The following PPIL6 variants were observed in gnomAD, a reference collection of about 807,000 sequenced individuals.
PPIL6 encodes peptidylprolyl isomerase like 6.
Under a neutral mutation model 36.8 loss-of-function variants are expected in PPIL6, and 39 were observed. The ratio of observed to expected loss-of-function variants is 1.06; its 90% CI spans 0.82 to 1.38. The LOEUF is 1.38. Ranked by LOEUF, PPIL6 falls within the 40% of genes most tolerant of loss-of-function variation. The pLI is 0.00. For missense variants in PPIL6, 368 were observed against 379.1 expected (o/e 0.97, Z 0.24); for synonymous variants, 123 against 134.1 (o/e 0.92, Z 0.57).
intron 7 of PPIL6, among the ~76,000 whole-genome samples, chr6:109,398,605 T>A (rs990735400): frequency 6.6e-6 from 1 of 152,226 alleles, no homozygotes; most frequent in Non-Finnish European, 1.5e-5. Flanking sequence ...CTATCATCCA[T>A]TTTAGGTCCA....
At chr6:109,430,911 A>T (rs1336787825) in intron 3 of PPIL6, among the ~76,000 whole-genome samples, 2 of 152,260 alleles carry the variant, frequency 1.3e-5, no homozygotes, top group East Asian at 3.9e-4. Flanking sequence ...ATGCATATAA[A>T]TCTCTAATGG....
chr6:109,435,281 T>C (rs1774381450), intron 2 of PPIL6, among the ~76,000 whole-genome samples: 1 of 151,562 alleles, frequency 6.6e-6, no homozygotes, highest in South Asian at 2.1e-4. Flanking sequence ...AAAGGAAAAT[T>C]CTGTAAATGT....
At chr6:109,398,558 A>G (rs1772394370) in intron 7 of PPIL6, among the ~76,000 whole-genome samples, 1 of 152,232 alleles carries the variant, frequency 6.6e-6, no homozygotes, top group Non-Finnish European at 1.5e-5. Flanking sequence ...CAGTAATTAA[A>G]GAGAGAGATG....
Position 109,408,310 on chromosome 6 carries a change from C to T in PPIL6, c.689-8140G>A, listed in dbSNP as rs932751597. Among the ~76,000 whole-genome samples the T allele has an allele frequency of 2.6e-5, 4 of 151,978 alleles. No individual in the cohort carries two copies. The South Asian group carries it at 8.3e-4, about 31-fold the overall frequency. On this transcript the variant is annotated intron_variant, in intron 6 of 7. Transcript: ENST00000521072. ...CCTTATAAATCACTTGCTCTTTTTC[C>T]CTAGATGCCCAAATAATTTTTCTTC...
At chr6:109,399,026 A>G (rs752682764) in intron 7 of PPIL6, among the ~76,000 whole-genome samples, 4 of 151,848 alleles carry the variant, frequency 2.6e-5, no homozygotes, top group Non-Finnish European at 5.9e-5. Context: ...CCCAGGCTCA[A>G]GCAATCCTCC....
rs1228668324 is a variant in PPIL6, at chr6:109,400,046, A to G, written c.813T>C (p.Phe271=). The G allele has an allele frequency of 6.2e-7, 1 of 1,611,476 alleles. No homozygotes were observed. The highest frequency in any genetic ancestry group is 2.2e-5 in the East Asian group (1 of 44,836). Residue 271 remains phenylalanine, a synonymous_variant, in exon 7 of 8, where the codon TTT becomes TTC. Coordinates refer to ENST00000521072, the MANE Select transcript of PPIL6 (RefSeq NM_173672.5). ...LQATPYLDRK[F]VAFGQLIEGT... ...TACAATATACATACCCAAAAGCCAC[A>G]AATTTTCTATCTAGATAAGGAGTTG...
At chr6:109,406,282 G>T (rs1772796316) in intron 6 of PPIL6, among the ~76,000 whole-genome samples, 1 of 151,508 alleles carries the variant, frequency 6.6e-6, no homozygotes, top group Admixed American at 6.6e-5. Context: ...GAACTCCTGG[G>T]CTCAAGCAAT....
At chr6:109,395,320 T>C (rs1772249972) in intron 7 of PPIL6, among the ~76,000 whole-genome samples, 2 of 151,782 alleles carry the variant, frequency 1.3e-5, no homozygotes. Context: ...GGCATGAGAA[T>C]TGCTTAAACC....
At chr6:109,414,172 A>G (rs1019308840) in intron 6 of PPIL6, among the ~76,000 whole-genome samples, 3 of 152,180 alleles carry the variant, frequency 2.0e-5, no homozygotes, top group Admixed American at 2.0e-4. Flanking sequence ...ATATGATGTG[A>G]TAATTTCACA....
rs1772108031 is a variant in PPIL6 at position 109,391,811 on chromosome 6, T to C, written c.*1015A>G. On this transcript the variant is annotated 3_prime_UTR_variant, in exon 8 of 8. Transcript: ENST00000521072. Reference sequence around the variant, plus strand: ...CTCAGAGAGATAAGGATGATGTTCATGTCATATATGAAAACATCCAAAGTG... The same window carrying C: ...CTCAGAGAGATAAGGATGATGTTCACGTCATATATGAAAACATCCAAAGTG... The C allele has an allele frequency of 6.6e-6, 1 of 152,240 alleles. No individual in the cohort carries two copies. The allele number at this position is 152,240 out of a possible 1,614,324, so 9.4% of individuals were successfully genotyped here. A position where few individuals can be genotyped will look rare whatever the true frequency, so the allele number is the denominator to read the frequency against.
At chr6:109,419,803 C>T (rs1162315684) in intron 5 of PPIL6, among the ~76,000 whole-genome samples, 2 of 152,000 alleles carry the variant, frequency 1.3e-5, no homozygotes, top group African/African-American at 4.8e-5. Flanking sequence ...TCAATATCCA[C>T]ACTATGAAAA....
rs1390518086 is a variant in PPIL6 at position 109,391,484 on chromosome 6, A to G, written c.*1342T>C. On this transcript the variant is annotated 3_prime_UTR_variant, in exon 8 of 8. Transcript: ENST00000521072. Reference sequence around the variant, plus strand: ...AGTGATTCCCAGATGACTAGTGCCCAGCTGTCTAAATGGGAACCCTGGGGA... The same window carrying G: ...AGTGATTCCCAGATGACTAGTGCCCGGCTGTCTAAATGGGAACCCTGGGGA... 6.6e-6 allele frequency: 1 copy of G among 151,966 alleles called. No homozygotes were observed. Among genetic ancestry groups the G allele is most frequent in the East Asian group, 1.9e-4 (1 of 5,156 alleles). 9.4% of individuals were successfully genotyped at this position (151,966 alleles called of 1,614,324 possible). A position where few individuals can be genotyped will look rare whatever the true frequency, so the allele number is the denominator to read the frequency against.
intron 6 of PPIL6, among the ~76,000 whole-genome samples, chr6:109,411,081 G>T (rs1012669151): frequency 6.6e-6 from 1 of 152,180 alleles, no homozygotes; most frequent in Non-Finnish European, 1.5e-5. Context: ...CTTAGGAGTA[G>T]CTTTCCCTTG....
At chr6:109,393,609 G>A (rs543879088) in intron 7 of PPIL6, among the ~76,000 whole-genome samples, 1 of 152,194 alleles carries the variant, frequency 6.6e-6, no homozygotes, top group East Asian at 1.9e-4. Flanking sequence ...TTAGGATGAA[G>A]ACTATAAGTC....
chr6:109,413,725 C>A lies in PPIL6; in HGVS notation c.688+5462G>T, dbSNP rs1274897596. On this transcript the variant is annotated intron_variant, in intron 6 of 7. Transcript: ENST00000521072. The surrounding 1 kb of genome is among the most constrained non-coding windows in gnomAD (Gnocchi z 4.6). The stretch of plus-strand genomic sequence containing the variant: ...TGGAAGCTACCTAAGTGTCCATCAA[C>A]AGAAGAATGGATAAAGAAAATGTGG... Among the ~76,000 whole-genome samples, 1 of 152,112 alleles carries A rather than the reference C, an allele frequency of 6.6e-6. No homozygotes were observed. Among genetic ancestry groups the A allele is most frequent in the Non-Finnish European group, 1.5e-5 (1 of 68,018 alleles).
chr6:109,437,801 CTT>C (rs1259004053), intron 1 of PPIL6, among the ~76,000 whole-genome samples: 2 of 152,080 alleles, frequency 1.3e-5, no homozygotes, highest in Non-Finnish European at 2.9e-5. Flanking sequence ...AACTCCTGAC[CTT>C]AGGCGATCTG....
At chr6:109,429,560 G>A (rs780979327) in intron 3 of PPIL6, among the ~76,000 whole-genome samples, 5 of 152,158 alleles carry the variant, frequency 3.3e-5, no homozygotes, top group Non-Finnish European at 7.3e-5. Context: ...CCCATGCTGA[G>A]AGCACCAGGT....
intron 6 of PPIL6, among the ~76,000 whole-genome samples, chr6:109,401,627 G>A (rs1772543306): frequency 6.6e-6 from 1 of 152,016 alleles, no homozygotes; most frequent in Admixed American, 6.6e-5. Flanking sequence ...TTACGCTGAT[G>A]CTCCTTATTC....
chr6:109,401,385 C>T (rs567579441), intron 6 of PPIL6, among the ~76,000 whole-genome samples: 3 of 152,220 alleles, frequency 2.0e-5, no homozygotes, highest in African/African-American at 7.2e-5. Flanking sequence ...TGAATTTTTT[C>T]ATTCAATAAC....
Sources: allele counts gnomAD v4.1 joint callset (sites outside exome capture counted in the v4.1 genomes callset), GRCh38; gene constraint gnomAD v4.1.1; non-coding constraint Gnocchi (gnomAD v3.1); transcripts MANE v1.5; gene names NCBI Gene and HGNC (gene_info 2026-07-23, HGNC 2026-07-21).